CCDC180: variants seen among roughly 807,000 people sequenced by gnomAD.
The protein encoded by CCDC180 is coiled-coil domain-containing protein 180.
A neutral mutation model predicts 209.2 loss-of-function variants in CCDC180; 154 were observed. That is an observed-to-expected ratio of 0.74 (90% confidence interval 0.65 to 0.84). The LOEUF is 0.84. CCDC180 is among the 40% of genes least tolerant of loss of function. The pLI is 0.00. For synonymous variants in CCDC180, 778 were observed against 749.1 expected, an observed-to-expected ratio of 1.04 and a Z score of -0.63; for missense variants, 1,874 against 1,997.3, an observed-to-expected ratio of 0.94 and a Z score of 1.18.
intron 33 of CCDC180, chr9:97,371,005 G>A (rs543352467): frequency 7.2e-5 from 17 of 237,188 alleles, no homozygotes; most frequent in South Asian, 2.8e-4. Context: ...CGCCCAGGCC[G>A]GACTGCGGAC....
At chr9:97,365,798 T>C in intron 30 of CCDC180, 59 bp downstream of exon 30, 1 of 1,491,216 alleles carries the variant, frequency 6.7e-7, no homozygotes, top group African/African-American at 1.4e-5. Flanking sequence ...CCTTCTGCAG[T>C]CTGCTGATCA....
chr9:97,308,081 G>A lies in CCDC180; in HGVS notation c.18G>A (p.Lys6=), dbSNP rs145541648. 555 of 1,613,346 alleles carry A rather than the reference G, an allele frequency of 3.4e-4. 2 individuals are homozygous for A. The African/African-American group carries it at 6.0e-3, about 18-fold the overall frequency. MSSVG[K]VTQVPNGKAY... is the part of the protein sequence containing the mutation. ...CGGCCAAGATGTCGTCAGTGGGGAA[G>A]GTGACCCAGGTTCCGAATGGGAAAG... Residue 6 remains lysine, a synonymous_variant, in exon 2 of 37, where the codon AAG becomes AAA. Coordinates refer to ENST00000529487, the MANE Select transcript of CCDC180 (RefSeq NM_020893.6).
Position 97,347,327 on chromosome 9 carries a change from T to A in CCDC180, c.2512T>A (p.Phe838Ile). Residue 838 changes from phenylalanine (F) to isoleucine (I), a missense_variant, in exon 20 of 37, where the codon TTC (phenylalanine) becomes ATC (isoleucine). By Grantham distance (21) the Phe-to-Ile change is conservative. Transcript: ENST00000529487. ...LEIKKQLRAG[F>I]FEHLEKWFDQ... ...TCTCGCCCTCAGACTTCGAGCTGGC[T>A]TCTTCGAGCACCTTGAGAAGTGGTT... The A allele has an allele frequency of 6.5e-7, 1 of 1,536,014 alleles. No individual in the cohort carries two copies. The highest frequency in any genetic ancestry group is 1.2e-5 in the South Asian group (1 of 84,046).
At chr9:97,352,839 T>C (rs1198000938) in intron 22 of CCDC180, among the ~76,000 whole-genome samples, 1 of 152,004 alleles carries the variant, frequency 6.6e-6, no homozygotes, top group Non-Finnish European at 1.5e-5. Context: ...TTCTTCCTAG[T>C]CACTGATTCA....
chr9:97,316,636 C>A (rs1467380882), intron 8 of CCDC180, among the ~76,000 whole-genome samples: 1 of 152,188 alleles, frequency 6.6e-6, no homozygotes, highest in African/African-American at 2.4e-5. Flanking sequence ...CTAGCTCTGG[C>A]CTCATTTTGC....
intron 10 of CCDC180, 110 bp downstream of exon 10, chr9:97,318,692 A>C: frequency 1.4e-6 from 2 of 1,431,972 alleles, no homozygotes; most frequent in Non-Finnish European, 1.9e-6. Flanking sequence ...AAGCAGACCA[A>C]CTCCCAGCTC....
intron 32 of CCDC180, 149 bp downstream of exon 32, chr9:97,370,231 T>C (rs1419711522): frequency 2.8e-5 from 24 of 843,062 alleles, no homozygotes; most frequent in East Asian, 5.4e-5. Context: ...ACAGGAGCCA[T>C]TGGCGAAATA....
At chr9:97,327,511 A>C (rs1281847265) in intron 15 of CCDC180, among the ~76,000 whole-genome samples, 1 of 152,156 alleles carries the variant, frequency 6.6e-6, no homozygotes, top group Non-Finnish European at 1.5e-5. Context: ...GTTCTCTGTG[A>C]ACTTTCTTGC....
At position 97,361,722 on chromosome 9, in the gene CCDC180, G is replaced by A; in HGVS notation, c.3484-4G>A. The A allele has an allele frequency of 6.2e-7, 1 of 1,613,732 alleles. No homozygotes were observed. Reference sequence around the variant, plus strand: ...ACCCTCAGGCCCTTCTCTCTGGCCTGCAGAACACCATCCTGAAGGACCAGG... The same window carrying A: ...ACCCTCAGGCCCTTCTCTCTGGCCTACAGAACACCATCCTGAAGGACCAGG... On this transcript the variant is annotated splice_polypyrimidine_tract_variant and splice_region_variant and intron_variant, in intron 26 of 36. Coordinates refer to ENST00000529487, the MANE Select transcript of CCDC180 (RefSeq NM_020893.6).
chr9:97,320,918 T>C (rs1833336377), intron 11 of CCDC180, among the ~76,000 whole-genome samples: 1 of 152,204 alleles, frequency 6.6e-6, no homozygotes, highest in African/African-American at 2.4e-5. Context: ...GACTTCATGG[T>C]AGTGTGAAAG....
chr9:97,360,226 C>A, intron 26 of CCDC180, 125 bp downstream of exon 26: 2 of 1,137,784 alleles, frequency 1.8e-6, no homozygotes, highest in Non-Finnish European at 2.5e-6. Context: ...GGACATCAGG[C>A]TTACTGAGAT....
At position 97,313,272 on chromosome 9, in the gene CCDC180, A is replaced by G. The variant is rs140801022; in HGVS notation, c.386A>G (p.Gln129Arg). 1,746 of 1,612,104 alleles carry G rather than the reference A, an allele frequency of 1.1e-3. 1 individual carries two copies. Among genetic ancestry groups the G allele is most frequent in the Non-Finnish European group, 1.3e-3 (1,567 of 1,178,816 alleles). ...EKISTSTFQRQAEHKRKSYES... is the reference protein window; with the variant it reads ...EKISTSTFQRRAEHKRKSYES... Reference sequence around the variant, plus strand: ...ATAAGCACCAGCACCTTTCAAAGGCAAGCAGAACACAAGAGGAAGAGCTAC... The same window carrying G: ...ATAAGCACCAGCACCTTTCAAAGGCGAGCAGAACACAAGAGGAAGAGCTAC... The change falls in exon 5 of 37, where the codon CAA becomes CGA. Residue 129 changes from glutamine (Q) to arginine (R), a missense_variant. Coordinates refer to ENST00000529487, the MANE Select transcript of CCDC180 (RefSeq NM_020893.6).
chr9:97,314,445 C>G lies in CCDC180; in HGVS notation c.512C>G (p.Thr171Ser), dbSNP rs1484072169. ...DTGGLFLKKL[T>S]ESDEEMNRLF... The stretch of plus-strand genomic sequence containing the variant: ...GGGGGACTTTTTTTGAAGAAGCTGA[C>G]TGAGTCTGATGAAGAAATGAACCGT... Residue 171 changes from threonine (T) to serine (S), a missense_variant, in exon 6 of 37, where the codon ACT becomes AGT. Coordinates refer to ENST00000529487, the MANE Select transcript of CCDC180 (RefSeq NM_020893.6). The G allele has an allele frequency of 6.2e-7, 1 of 1,614,004 alleles. No homozygotes were observed. Among genetic ancestry groups the G allele is most frequent in the African/African-American group, 1.3e-5 (1 of 74,912 alleles).
chr9:97,349,535 A>G (rs1300376456), intron 21 of CCDC180, among the ~76,000 whole-genome samples: 5 of 152,212 alleles, frequency 3.3e-5, no homozygotes, highest in Admixed American at 6.5e-5. Flanking sequence ...GGTGCACACC[A>G]TGTGCTATGA....
Position 97,376,971 on chromosome 9 carries a change from G to A in CCDC180, c.*77G>A, listed in dbSNP as rs994556329. 265 of 1,503,578 alleles carry A rather than the reference G, an allele frequency of 1.8e-4. No individual in the cohort carries two copies. The highest frequency in any genetic ancestry group is 1.2e-3 in the Middle Eastern group (5 of 4,118). The allele number at this position is 1,503,578 out of a possible 1,614,324, so 93.1% of individuals were successfully genotyped here. On this transcript the variant is annotated 3_prime_UTR_variant, in exon 37 of 37. Transcript: ENST00000529487. ...CCATCTACCTGCCTACCTACTTTCCGTCCATCCCTCCCTCCCTTCATCCCT... is the reference window on the plus strand; with the variant it reads ...CCATCTACCTGCCTACCTACTTTCCATCCATCCCTCCCTCCCTTCATCCCT...
intron 29 of CCDC180, chr9:97,364,800 C>T (rs1002343794): frequency 2.6e-5 from 4 of 152,282 alleles, no homozygotes; most frequent in African/African-American, 9.7e-5. Context: ...TTTTATAGCT[C>T]GATGCAGGAG....
intron 9 of CCDC180, among the ~76,000 whole-genome samples, chr9:97,317,715 C>G (rs895913466): frequency 6.6e-6 from 1 of 152,154 alleles, no homozygotes; most frequent in Non-Finnish European, 1.5e-5. Context: ...CTTGTCCATG[C>G]TTCTTCTGCC....
chr9:97,323,951 G>T, intron 13 of CCDC180, 48 bp downstream of exon 13: 1 of 1,543,796 alleles, frequency 6.5e-7, no homozygotes, highest in South Asian at 1.2e-5. Flanking sequence ...GGGGTTGGGG[G>T]TCCCCGGGGT....
At chr9:97,325,248 A>G (rs1428034477) in intron 14 of CCDC180, 56 bp downstream of exon 14, 1 of 1,518,346 alleles carries the variant, frequency 6.6e-7, no homozygotes, top group Non-Finnish European at 8.9e-7. Flanking sequence ...ATGAACTCAA[A>G]CAGATCCTTG....
Sources: allele counts gnomAD v4.1 joint callset (sites outside exome capture counted in the v4.1 genomes callset), GRCh38; gene constraint gnomAD v4.1.1; transcripts MANE v1.5; gene names NCBI Gene and HGNC (gene_info 2026-07-23, HGNC 2026-07-21).